PALS2: variants seen among roughly 807,000 people sequenced by gnomAD.
PALS2 encodes the protein protein associated with LIN7 2, MAGUK p55 family member, also known as protein PALS2.
PALS2 carries 27 observed loss-of-function variants against 61.6 expected under a neutral mutation model. The observed-to-expected ratio is 0.44, with a 90% CI of 0.32 to 0.60. The LOEUF (loss-of-function observed/expected upper bound fraction) is 0.60. Ranked by LOEUF, PALS2 falls within the 20% of genes least tolerant of loss-of-function variation. The pLI, the probability that PALS2 is intolerant of heterozygous loss-of-function variation, is 0.05. For missense variants in PALS2, 554 were observed against 639.4 expected (o/e 0.87, Z 1.44); for synonymous variants, 236 against 218.6 (o/e 1.08, Z -0.70).
intron 5 of PALS2, among the ~76,000 whole-genome samples, chr7:24,655,238 G>T (rs897455012): frequency 6.6e-6 from 1 of 152,102 alleles, no homozygotes; most frequent in East Asian, 1.9e-4. Context: ...CAATTCTTAC[G>T]TATGTACAGC....
At chr7:24,653,465 C>G (rs190575073) in intron 5 of PALS2, among the ~76,000 whole-genome samples, 1 of 152,190 alleles carries the variant, frequency 6.6e-6, no homozygotes, top group African/African-American at 2.4e-5. Flanking sequence ...AAGTCAGAAA[C>G]TGGCCTTGCA....
At chr7:24,676,432 A>G (rs891587615) in intron 9 of PALS2, among the ~76,000 whole-genome samples, 3 of 152,000 alleles carry the variant, frequency 2.0e-5, no homozygotes, top group Non-Finnish European at 2.9e-5. Flanking sequence ...TTGGTGTTTT[A>G]GACATGAAGT....
intron 2 of PALS2, 128 bp downstream of exon 2, chr7:24,623,912 AG>A: frequency 1.0e-6 from 1 of 952,484 alleles, no homozygotes. Flanking sequence ...AAAAACATTC[AG>A]CACATAATGA....
At chr7:24,575,021 G>A (rs1242705187) in intron 1 of PALS2, among the ~76,000 whole-genome samples, 2 of 152,178 alleles carry the variant, frequency 1.3e-5, no homozygotes, top group East Asian at 1.9e-4. Context: ...GTCATTTTGA[G>A]GTCATTTGTA....
chr7:24,609,271 C>A lies in PALS2; in HGVS notation c.-2-14395C>A, dbSNP rs188192873. Among the ~76,000 whole-genome samples, 70 of 152,280 alleles carry A rather than the reference C, an allele frequency of 4.6e-4. 1 individual carries two copies. Among genetic ancestry groups the A allele is most frequent in the Non-Finnish European group, 8.2e-4 (56 of 68,020 alleles). On this transcript the variant is annotated intron_variant, in intron 1 of 11. Transcript: ENST00000222644. ...GCTGCTCCTCCCCTCCTCCCACCAG[C>A]CTTCTACCTGGAATGGGACGTCATG...
chr7:24,638,171 A>G (rs969383061), intron 2 of PALS2, among the ~76,000 whole-genome samples: 6 of 152,006 alleles, frequency 3.9e-5, no homozygotes, highest in African/African-American at 1.2e-4. Flanking sequence ...TTAAAAAGCT[A>G]TATGTTAATA....
chr7:24,585,779 A>G (rs1459315910), intron 1 of PALS2, among the ~76,000 whole-genome samples: 4 of 152,064 alleles, frequency 2.6e-5, no homozygotes, highest in East Asian at 1.9e-4. Context: ...GCTCACTACA[A>G]GCTCCGCCTC....
At chr7:24,655,278 C>G (rs765745430) in intron 5 of PALS2, among the ~76,000 whole-genome samples, 3 of 152,096 alleles carry the variant, frequency 2.0e-5, no homozygotes, top group Non-Finnish European at 2.9e-5. Context: ...ATATAAACCC[C>G]AAAAGATTAC....
intron 5 of PALS2, among the ~76,000 whole-genome samples, chr7:24,658,218 G>A (rs968553991): frequency 2.0e-5 from 3 of 152,148 alleles, no homozygotes; most frequent in African/African-American, 7.2e-5. Flanking sequence ...ATCACACCTA[G>A]TGGGTATTTT....
At chr7:24,611,885 A>C (rs1784125485) in intron 1 of PALS2, among the ~76,000 whole-genome samples, 1 of 151,934 alleles carries the variant, frequency 6.6e-6, no homozygotes, top group South Asian at 2.1e-4. Context: ...CCATAAAATC[A>C]CATTTTAATT....
chr7:24,579,863 C>T (rs988568711), intron 1 of PALS2, among the ~76,000 whole-genome samples: 1 of 152,048 alleles, frequency 6.6e-6, no homozygotes, highest in Admixed American at 6.5e-5. Context: ...TATTGTATAG[C>T]ATATTAATGG....
At position 24,645,280 on chromosome 7, in the gene PALS2, A is replaced by C. The variant is rs560767482; in HGVS notation, c.270+3412A>C. 2.1e-4 allele frequency among the ~76,000 whole-genome samples: 32 copies of C among 152,086 alleles called. No homozygotes were observed. The South Asian group carries it at 6.0e-3, about 29-fold the overall frequency. ...ACATTTAAATCTTTAATCCATCTCA[A>C]GTTGATTTTTGTGTACTATATAAAG... On this transcript the variant is annotated intron_variant, in intron 3 of 11. Coordinates refer to ENST00000222644, the MANE Select transcript of PALS2 (RefSeq NM_001303037.2).
chr7:24,657,543 T>G (rs953444648), intron 5 of PALS2, among the ~76,000 whole-genome samples: 1 of 152,202 alleles, frequency 6.6e-6, no homozygotes, highest in Non-Finnish European at 1.5e-5. Context: ...ATTTTGTCCA[T>G]TTTTTGTTGA....
rs367957271 is a variant in PALS2 at position 24,638,690 on chromosome 7, A to G, written c.118-3026A>G. Among the ~76,000 whole-genome samples, 23 of 152,276 alleles carry G rather than the reference A, an allele frequency of 1.5e-4. 1 individual carries two copies. The highest frequency in any genetic ancestry group is 7.2e-4 in the Admixed American group (11 of 15,298). ...CATAGAACCAAACTGTGAGGCTGAT[A>G]TGAAAAAATCTTCAGATGTGCTTGG... On this transcript the variant is annotated intron_variant, in intron 2 of 11. Coordinates refer to ENST00000222644, the MANE Select transcript of PALS2 (RefSeq NM_001303037.2).
intron 9 of PALS2, 35 bp downstream of exon 9, chr7:24,668,695 G>C: frequency 6.2e-7 from 1 of 1,606,548 alleles, no homozygotes; most frequent in Non-Finnish European, 8.5e-7. Context: ...TATGCAATTG[G>C]CAGGAAAGAG....
Position 24,693,913 on chromosome 7 carries a change from G to A in PALS2, c.*6299G>A, listed in dbSNP as rs1476621157. On this transcript the variant is annotated 3_prime_UTR_variant, in exon 12 of 12. Coordinates refer to ENST00000222644, the MANE Select transcript of PALS2 (RefSeq NM_001303037.2). ...TATTCTTCCTTTTCCCCCCACGCCA[G>A]TTCGTTTTGGTAAGTCTTTTATTTG... 6.6e-6 allele frequency: 1 copy of A among 151,892 alleles called. No individual in the cohort carries two copies. Among genetic ancestry groups the A allele is most frequent in the Admixed American group, 6.6e-5 (1 of 15,246 alleles). The allele number at this position is 151,892 out of a possible 1,614,324, so 9.4% of individuals were successfully genotyped here.
intron 1 of PALS2, among the ~76,000 whole-genome samples, chr7:24,587,055 G>A (rs1349862597): frequency 7.6e-6 from 1 of 131,598 alleles, no homozygotes; most frequent in African/African-American, 2.7e-5. Flanking sequence ...TTTGTTTTTT[G>A]GTTATTTTTA....
Position 24,663,577 on chromosome 7 carries a change from C to T in PALS2, c.652-13C>T. Reference sequence around the variant, plus strand: ...TACAACTATAGTATTTTTAATTGTGCTATGTGTTTTAGGTATTTGTGAAGT... The same window carrying T: ...TACAACTATAGTATTTTTAATTGTGTTATGTGTTTTAGGTATTTGTGAAGT... On this transcript the variant is annotated splice_polypyrimidine_tract_variant and intron_variant, in intron 5 of 11. Coordinates refer to ENST00000222644, the MANE Select transcript of PALS2 (RefSeq NM_001303037.2). 2.5e-6 allele frequency: 4 copies of T among 1,570,790 alleles called. No individual in the cohort carries two copies. The highest frequency in any genetic ancestry group is 3.5e-6 in the Non-Finnish European group (4 of 1,152,626).
rs1229668750 is a variant in PALS2, at chr7:24,641,723, A to G, written c.125A>G (p.Glu42Gly). The G allele has an allele frequency of 3.1e-6, 5 of 1,603,300 alleles. No individual in the cohort carries two copies. In the African/African-American group the frequency reaches 5.4e-5, roughly 17 times the overall value. ...PIVKSLAKAH[E>G]RLEDSKLEAV... The stretch of plus-strand genomic sequence containing the variant: ...ATACTCTTATTTTTTCAGGCTCATG[A>G]GAGGCTAGAAGATTCCAAACTAGAA... Residue 42 changes from glutamate (E) to glycine (G), a missense_variant, in exon 3 of 12, where the codon GAG (glutamate) becomes GGG (glycine). Glu to Gly is a moderately conservative substitution (Grantham distance 98, BLOSUM62 -2). Coordinates refer to ENST00000222644, the MANE Select transcript of PALS2 (RefSeq NM_001303037.2).
Sources: gnomAD v4.1 joint callset for allele counts (sites outside exome capture counted in the v4.1 genomes callset) on GRCh38, gnomAD v4.1.1 for gene constraint, MANE v1.5 for transcripts, NCBI Gene and HGNC (gene_info 2026-07-23, HGNC 2026-07-21) for gene names.